The following NRG1 variants were observed in gnomAD, a reference collection of about 807,000 sequenced individuals.
The protein encoded by NRG1 is neuregulin 1, also known as pro-neuregulin-1, membrane-bound isoform.
In NRG1, 18 loss-of-function variants were observed where a neutral mutation model predicts 63.8. The ratio of observed to expected loss-of-function variants is 0.28; its 90% CI spans 0.19 to 0.42. The LOEUF (loss-of-function observed/expected upper bound fraction) is 0.42. Among genes scored for constraint, NRG1 ranks in the 10% least tolerant of loss-of-function variants. The pLI is 1.00. For missense variants in NRG1, 762 were observed against 814.7 expected (o/e 0.94, Z 0.79); for synonymous variants, 302 against 301.3 (o/e 1.00, Z -0.02).
intron 1 of NRG1, among the ~76,000 whole-genome samples, chr8:32,471,401 T>A (rs1823827027): frequency 6.6e-6 from 1 of 152,206 alleles, no homozygotes; most frequent in Non-Finnish European, 1.5e-5. Context: ...TTTGTCACAT[T>A]TACATTTTAG....
chr8:32,029,487 T>C (rs555705768), intron 1 of NRG1: 203 of 152,212 alleles, frequency 1.3e-3, no homozygotes, highest in African/African-American at 4.6e-3. Flanking sequence ...AAATTGGAGG[T>C]GAGATTCAGA....
At chr8:32,583,819 G>C (rs1274635278) in intron 1 of NRG1, among the ~76,000 whole-genome samples, 1 of 152,164 alleles carries the variant, frequency 6.6e-6, no homozygotes, top group Non-Finnish European at 1.5e-5. Context: ...TACACAAGTT[G>C]GTGCAATCCA....
intron 1 of NRG1, among the ~76,000 whole-genome samples, chr8:31,984,457 A>G (rs1475992778): frequency 2.6e-5 from 4 of 152,068 alleles, no homozygotes; most frequent in Admixed American, 2.0e-4. Flanking sequence ...TGATGACCCT[A>G]AGACATTTGG....
chr8:32,496,056 A>T (rs1457185382), intron 1 of NRG1, among the ~76,000 whole-genome samples: 1 of 152,168 alleles, frequency 6.6e-6, no homozygotes, highest in Non-Finnish European at 1.5e-5. Context: ...ACAAAGACAG[A>T]TGATATTAAA....
chr8:31,812,738 T>G (rs993124453), intron 1 of NRG1, among the ~76,000 whole-genome samples: 1 of 149,532 alleles, frequency 6.7e-6, no homozygotes, highest in South Asian at 2.2e-4. Flanking sequence ...TCTTAAGCAC[T>G]GCACTGCTTT....
intron 3 of NRG1, among the ~76,000 whole-genome samples, chr8:32,608,619 G>T (rs1845763210): frequency 6.6e-6 from 1 of 152,178 alleles, no homozygotes; most frequent in South Asian, 2.1e-4. Flanking sequence ...CTATGGCGAA[G>T]AACTAGAACT....
At chr8:32,348,668 C>T (rs1162524216) in intron 1 of NRG1, among the ~76,000 whole-genome samples, 1 of 152,092 alleles carries the variant, frequency 6.6e-6, no homozygotes, top group African/African-American at 2.4e-5. Context: ...TCTGTTATAA[C>T]GTAGTATAGG....
intron 1 of NRG1, among the ~76,000 whole-genome samples, chr8:31,722,249 A>G (rs1003961891): frequency 1.3e-5 from 2 of 152,006 alleles, no homozygotes; most frequent in Admixed American, 6.6e-5. Flanking sequence ...GCGATTTTCC[A>G]TGTGCGCTTA....
chr8:31,870,343 T>C (rs1020116456), intron 1 of NRG1, among the ~76,000 whole-genome samples: 2 of 152,114 alleles, frequency 1.3e-5, no homozygotes, highest in Admixed American at 6.5e-5. Context: ...ATAACATAGA[T>C]GGCTTAATAA....
chr8:32,596,033 A>G, intron 2 of NRG1, 28 bp downstream of exon 2: 1 of 1,552,458 alleles, frequency 6.4e-7, no homozygotes, highest in Non-Finnish European at 8.8e-7. Flanking sequence ...AATAGTAGAG[A>G]CTGCCCCCAG....
chr8:32,308,216 A>G (rs1421715897), intron 1 of NRG1, among the ~76,000 whole-genome samples: 2 of 152,228 alleles, frequency 1.3e-5, no homozygotes, highest in African/African-American at 4.8e-5. Context: ...CAATACATTT[A>G]GAATCCTTCG....
At chr8:31,948,156 A>G (rs4733106) in intron 1 of NRG1, among the ~76,000 whole-genome samples, 2 of 152,178 alleles carry the variant, frequency 1.3e-5, no homozygotes, top group Admixed American at 6.5e-5. Flanking sequence ...AAAGTTATTT[A>G]CCAAAGCATC....
intron 1 of NRG1, among the ~76,000 whole-genome samples, chr8:31,943,891 A>G (rs548024328): frequency 6.6e-6 from 1 of 152,188 alleles, no homozygotes; most frequent in Non-Finnish European, 1.5e-5. Flanking sequence ...TTTTTCTCAC[A>G]GTTTGATTTC....
intron 1 of NRG1, among the ~76,000 whole-genome samples, chr8:31,719,002 C>A (rs1308218390): frequency 6.6e-6 from 1 of 151,974 alleles, no homozygotes; most frequent in Non-Finnish European, 1.5e-5. Context: ...TACTTACTGC[C>A]CTTGGTTAAT....
At chr8:31,839,338 G>A (rs1241896495) in intron 1 of NRG1, among the ~76,000 whole-genome samples, 3 of 152,214 alleles carry the variant, frequency 2.0e-5, no homozygotes, top group Admixed American at 1.3e-4. Context: ...AGAGCAAAGT[G>A]TCAAGTAATG....
chr8:32,224,129 G>A (rs1470534155), intron 1 of NRG1, among the ~76,000 whole-genome samples: 1 of 152,180 alleles, frequency 6.6e-6, no homozygotes, highest in South Asian at 2.1e-4. Flanking sequence ...TGAGCGAAAA[G>A]TACAATGAAA....
intron 1 of NRG1, among the ~76,000 whole-genome samples, chr8:32,326,424 A>T (rs545026994): frequency 6.8e-6 from 1 of 148,036 alleles, no homozygotes; most frequent in East Asian, 2.0e-4. Context: ...CCATTCTCCC[A>T]TCTCAGTCTC....
rs140889030 is a variant in NRG1 at position 32,295,477 on chromosome 8, T to C, written c.38-300351T>C. On this transcript the variant is annotated intron_variant, in intron 1 of 10. Coordinates refer to the NRG1 transcript ENST00000519301. ...GGTTTGGGAATTAGTCTCTTATTTCTACAACTTTCTATTTAACTGAAAAGA... is the reference window on the plus strand; with the variant it reads ...GGTTTGGGAATTAGTCTCTTATTTCCACAACTTTCTATTTAACTGAAAAGA... Among the ~76,000 whole-genome samples the C allele has an allele frequency of 3.6e-3, 541 of 152,298 alleles. 2 individuals carry two copies. Among genetic ancestry groups the C allele is most frequent in the African/African-American group, 0.013 (521 of 41,582 alleles).
chr8:32,417,615 A>G (rs1023613342), intron 1 of NRG1, among the ~76,000 whole-genome samples: 3 of 151,976 alleles, frequency 2.0e-5, no homozygotes, highest in African/African-American at 7.2e-5. Flanking sequence ...TACACTTCCC[A>G]CACACATCTC....
Sources: gnomAD v4.1 joint callset for allele counts (sites outside exome capture counted in the v4.1 genomes callset) on GRCh38, gnomAD v4.1.1 for gene constraint, MANE v1.5 for transcripts, NCBI Gene and HGNC (gene_info 2026-07-23, HGNC 2026-07-21) for gene names.